SHISA6: variants seen among roughly 807,000 people sequenced by gnomAD.
SHISA6 encodes the protein shisa family member 6.
A neutral mutation model predicts 47.9 loss-of-function variants in SHISA6; 22 were observed. The observed-to-expected ratio is 0.46, with a 90% CI of 0.33 to 0.66. SHISA6 has a LOEUF of 0.66. Among genes scored for constraint, SHISA6 ranks in the 30% least tolerant of loss-of-function variants. The pLI, the probability that SHISA6 is intolerant of heterozygous loss-of-function variation, is 0.02. For synonymous variants in SHISA6, 388 were observed against 337.8 expected (o/e 1.15, Z -1.63); for missense variants, 680 against 764.6 (o/e 0.89, Z 1.30).
At chr17:11,525,773 T>C (rs1567629454) in intron 3 of SHISA6, among the ~76,000 whole-genome samples, 1 of 151,852 alleles carries the variant, frequency 6.6e-6, no homozygotes, top group Non-Finnish European at 1.5e-5. Flanking sequence ...CCCAGCACTT[T>C]GGGAGGTTGA....
chr17:11,538,343 G>A (rs1278812646), intron 3 of SHISA6, among the ~76,000 whole-genome samples: 1 of 152,192 alleles, frequency 6.6e-6, no homozygotes, highest in Non-Finnish European at 1.5e-5. Flanking sequence ...TTACAGGTGT[G>A]AGCCACCACA....
At chr17:11,312,857 G>T (rs936593483) in intron 2 of SHISA6, among the ~76,000 whole-genome samples, 1 of 152,026 alleles carries the variant, frequency 6.6e-6, no homozygotes, top group Non-Finnish European at 1.5e-5. Context: ...TTCTCCTTGT[G>T]CACTTGTGCA....
intron 3 of SHISA6, among the ~76,000 whole-genome samples, chr17:11,453,233 G>T (rs1193026043): frequency 5.9e-5 from 9 of 152,122 alleles, no homozygotes; most frequent in African/African-American, 2.2e-4. Context: ...ATGCTAAAAG[G>T]TCATTTTTCC....
chr17:11,467,616 C>T (rs1915842460), intron 3 of SHISA6, among the ~76,000 whole-genome samples: 1 of 152,190 alleles, frequency 6.6e-6, no homozygotes, highest in Non-Finnish European at 1.5e-5. Flanking sequence ...GACCAGCCCT[C>T]ATCAGGCACT....
chr17:11,417,845 T>C (rs1310231147), intron 3 of SHISA6, among the ~76,000 whole-genome samples: 2 of 152,174 alleles, frequency 1.3e-5, no homozygotes, highest in Admixed American at 6.5e-5. Flanking sequence ...AGATAAGAGA[T>C]CTAGGAAAAT....
intron 2 of SHISA6, among the ~76,000 whole-genome samples, chr17:11,284,382 C>G (rs1358003038): frequency 6.6e-6 from 1 of 152,108 alleles, no homozygotes; most frequent in African/African-American, 2.4e-5. Context: ...TGCTTGTTAC[C>G]TCATGATTGC....
chr17:11,329,276 G>A (rs1053040096), intron 2 of SHISA6, among the ~76,000 whole-genome samples: 9 of 152,158 alleles, frequency 5.9e-5, no homozygotes, highest in African/African-American at 1.2e-4. Flanking sequence ...CATGGACACC[G>A]TGAGTTAAGC....
At chr17:11,335,185 C>A (rs373496826) in intron 2 of SHISA6, among the ~76,000 whole-genome samples, 1 of 152,242 alleles carries the variant, frequency 6.6e-6, no homozygotes, top group East Asian at 1.9e-4. Flanking sequence ...ATAGCCTTGG[C>A]GGTTGCACAG....
intron 1 of SHISA6, among the ~76,000 whole-genome samples, chr17:11,260,607 C>T (rs968471831): frequency 8.6e-5 from 13 of 152,040 alleles, no homozygotes; most frequent in Admixed American, 1.3e-4. Flanking sequence ...TCTTGCTCTT[C>T]CTACCTGCTT....
intron 3 of SHISA6, among the ~76,000 whole-genome samples, chr17:11,405,706 C>T (rs1170236449): frequency 6.6e-6 from 1 of 151,874 alleles, no homozygotes; most frequent in Admixed American, 6.6e-5. Context: ...GGAGGCTGAG[C>T]AGGAGAATCG....
At chr17:11,446,366 A>G (rs1915237388) in intron 3 of SHISA6, among the ~76,000 whole-genome samples, 1 of 152,214 alleles carries the variant, frequency 6.6e-6, no homozygotes, top group Non-Finnish European at 1.5e-5. Flanking sequence ...CTATGGTGGA[A>G]TCGTCCTCAA....
intron 3 of SHISA6, among the ~76,000 whole-genome samples, chr17:11,483,905 G>A (rs779261496): frequency 3.3e-5 from 5 of 152,284 alleles, no homozygotes; most frequent in Admixed American, 6.5e-5. Context: ...GCAGTGAACC[G>A]TGATCACACC....
At chr17:11,516,042 G>A (rs1320921919) in intron 3 of SHISA6, among the ~76,000 whole-genome samples, 3 of 152,068 alleles carry the variant, frequency 2.0e-5, no homozygotes, top group Non-Finnish European at 4.4e-5. Context: ...AAAGATATGT[G>A]GCAGATTTTT....
At position 11,330,938 on chromosome 17, in the gene SHISA6, A is replaced by C. The variant is rs534873692; in HGVS notation, c.800-48476A>C. Among the ~76,000 whole-genome samples, 6 of 152,334 alleles carry C rather than the reference A, an allele frequency of 3.9e-5. No homozygotes were observed. In the South Asian group the frequency reaches 8.3e-4, roughly 21 times the overall value. On this transcript the variant is annotated intron_variant, in intron 2 of 5. Coordinates refer to ENST00000441885, the MANE Select transcript of SHISA6 (RefSeq NM_207386.4). ...TCACGTATAGTGACAACATGAAGTC[A>C]TTCTTGGATATATACAGTCTTGGAA...
intron 3 of SHISA6, among the ~76,000 whole-genome samples, chr17:11,489,736 C>T (rs1181062875): frequency 6.6e-6 from 1 of 152,140 alleles, no homozygotes; most frequent in Non-Finnish European, 1.5e-5. Context: ...TTTTGCACCC[C>T]AGAGAACCTT....
At position 11,453,437 on chromosome 17, in the gene SHISA6, T is replaced by C. The variant is rs190617701; in HGVS notation, c.895+73928T>C. ...GACCCTCAGCGGGACAGTGCTTACTTACTGCCTAACCCAACCTGCTTTTAA... is the reference window on the plus strand; with the variant it reads ...GACCCTCAGCGGGACAGTGCTTACTCACTGCCTAACCCAACCTGCTTTTAA... On this transcript the variant is annotated intron_variant, in intron 3 of 5. Transcript: ENST00000441885. Among the ~76,000 whole-genome samples, 24 of 152,286 alleles carry C rather than the reference T, an allele frequency of 1.6e-4. No homozygotes were observed. The East Asian group carries it at 4.4e-3, about 28-fold the overall frequency.
chr17:11,436,366 G>A (rs1914939988), intron 3 of SHISA6, among the ~76,000 whole-genome samples: 1 of 152,142 alleles, frequency 6.6e-6, no homozygotes, highest in Non-Finnish European at 1.5e-5. Flanking sequence ...CATTATGACT[G>A]CCCAAGCAAA....
intron 3 of SHISA6, among the ~76,000 whole-genome samples, chr17:11,505,819 A>G (rs908556009): frequency 6.6e-6 from 1 of 152,258 alleles, no homozygotes; most frequent in African/African-American, 2.4e-5. Context: ...AAGCCAGAGA[A>G]TCAACAACAA....
At chr17:11,457,021 C>G (rs551158669) in intron 3 of SHISA6, among the ~76,000 whole-genome samples, 22 of 152,266 alleles carry the variant, frequency 1.4e-4, no homozygotes, top group South Asian at 1.2e-3. Flanking sequence ...TCTGCTGTGC[C>G]GTATGCTCCC....
Sources: gnomAD v4.1 joint callset for allele counts (sites outside exome capture counted in the v4.1 genomes callset) on GRCh38, gnomAD v4.1.1 for gene constraint, MANE v1.5 for transcripts, NCBI Gene and HGNC (gene_info 2026-07-23, HGNC 2026-07-21) for gene names.